F5: variants seen among roughly 807,000 people sequenced by gnomAD.
F5 encodes coagulation factor V.
In F5, 138 loss-of-function variants were observed where a neutral mutation model predicts 216.4. The observed-to-expected ratio is 0.64, with a 90% CI of 0.56 to 0.73. The LOEUF is 0.73. Among genes scored for constraint, F5 ranks in the 30% least tolerant of loss-of-function variants. The pLI is 0.00. For missense variants in F5, 2,403 were observed against 2,674.0 expected (o/e 0.90, Z 2.24); for synonymous variants, 916 against 930.7 (o/e 0.98, Z 0.29).
chr1:169,567,596 C>G (rs1027022654), intron 3 of F5, among the ~76,000 whole-genome samples: 1 of 147,648 alleles, frequency 6.8e-6, no homozygotes, highest in Non-Finnish European at 1.5e-5. Flanking sequence ...TCAAAATTAT[C>G]AGCAAAATCA....
At chr1:169,523,931 A>T in intron 19 of F5, 27 bp from the exon 20 acceptor site, 2 of 1,585,884 alleles carry the variant, frequency 1.3e-6, no homozygotes, top group Non-Finnish European at 1.7e-6. Flanking sequence ...AAAAAGATTT[A>T]TTCTGAATTT....
intron 13 of F5, among the ~76,000 whole-genome samples, chr1:169,538,184 A>G (rs1294790369): frequency 6.6e-6 from 1 of 152,186 alleles, no homozygotes; most frequent in Non-Finnish European, 1.5e-5. Context: ...ATTTGTGACA[A>G]CATGACTGAA....
chr1:169,518,520 G>A lies in F5; in HGVS notation c.6237C>T (p.Asn2079=), dbSNP rs762791810. The part of the protein sequence containing the change: ...PLGMENGKIE[N]KQITASSFKK... ...TAAACGAAGAAGCTGTGATTTGCTTGTTTTCTATCTTTCCATTTTCCATAC... is the reference window on the plus strand; with the variant it reads ...TAAACGAAGAAGCTGTGATTTGCTTATTTTCTATCTTTCCATTTTCCATAC... The change falls in exon 23 of 25, where the codon AAC becomes AAT. Residue 2079 remains asparagine, a synonymous_variant. Transcript: ENST00000367797. 1.9e-6 allele frequency: 3 copies of A among 1,613,712 alleles called. No individual in the cohort carries two copies. In the African/African-American group the frequency reaches 4.0e-5, roughly 22 times the overall value.
At chr1:169,562,899 C>T (rs1209390375) in intron 3 of F5, among the ~76,000 whole-genome samples, 1 of 151,858 alleles carries the variant, frequency 6.6e-6, no homozygotes, top group East Asian at 1.9e-4. Context: ...CTATATTTAT[C>T]AACTTCTGGA....
intron 2 of F5, among the ~76,000 whole-genome samples, chr1:169,577,940 C>T (rs1660901639): frequency 6.6e-6 from 1 of 152,028 alleles, no homozygotes; most frequent in African/African-American, 2.4e-5. Context: ...TTTTTCAGGG[C>T]TCAGCTAGAA....
intron 3 of F5, among the ~76,000 whole-genome samples, 186 bp downstream of exon 3, chr1:169,572,035 T>A (rs974407181): frequency 2.0e-5 from 3 of 152,084 alleles, no homozygotes; most frequent in African/African-American, 4.8e-5. Context: ...AAAATGCAGG[T>A]CTAGAGGACT....
At chr1:169,535,327 T>G (rs558144339) in intron 14 of F5, among the ~76,000 whole-genome samples, 4 of 152,314 alleles carry the variant, frequency 2.6e-5, no homozygotes, top group African/African-American at 9.6e-5. Flanking sequence ...TATCCTGTCT[T>G]TATTCACAAT....
At position 169,542,418 on chromosome 1, in the gene F5, C is replaced by T; in HGVS notation, c.2672G>A (p.Gly891Glu). 2 of 1,614,072 alleles carry T rather than the reference C, an allele frequency of 1.2e-6. No individual in the cohort carries two copies. Among genetic ancestry groups the T allele is most frequent in the Non-Finnish European group, 1.7e-6 (2 of 1,179,988 alleles). The part of the protein sequence containing the change: ...SWMKLLAHKV[G>E]RHLSQDTGSP... The stretch of plus-strand genomic sequence containing the variant: ...ACCAGTGTCTTGGCTTAGGTGTCTC[C>T]CAACTTTATGTGCTAGTAATTTCAT... Residue 891 changes from glycine to glutamate, a missense_variant, in exon 13 of 25, where the codon GGG becomes GAG. Coordinates refer to ENST00000367797, the MANE Select transcript of F5 (RefSeq NM_000130.5).
At position 169,513,482 on chromosome 1, in the gene F5, C is replaced by T. The variant is rs558487363; in HGVS notation, c.*831G>A. On this transcript the variant is annotated 3_prime_UTR_variant, in exon 25 of 25. Transcript: ENST00000367797. ...TAGAGAGGAAGGCCCTGAAAGAAAA[C>T]TTTAACTGCTTGCCAGTTTGGCCAG... Among the ~76,000 whole-genome samples, 1 of 152,246 alleles carries T rather than the reference C, an allele frequency of 6.6e-6. No individual in the cohort carries two copies. Among genetic ancestry groups the T allele is most frequent in the Non-Finnish European group, 1.5e-5 (1 of 68,012 alleles).
chr1:169,520,275 G>A (rs1184838156), intron 22 of F5, among the ~76,000 whole-genome samples: 3 of 152,190 alleles, frequency 2.0e-5, no homozygotes, highest in Non-Finnish European at 4.4e-5. Context: ...TCCTTGGAGA[G>A]TTGTGATGTG....
At chr1:169,583,183 G>A (rs1426973878) in intron 1 of F5, among the ~76,000 whole-genome samples, 1 of 152,170 alleles carries the variant, frequency 6.6e-6, no homozygotes. Context: ...TGTGAGTGGT[G>A]GGTTACTTTC....
intron 22 of F5, among the ~76,000 whole-genome samples, chr1:169,519,529 T>C (rs1053741334): frequency 1.6e-4 from 25 of 152,218 alleles, no homozygotes; most frequent in African/African-American, 5.8e-4. Flanking sequence ...TACTGCTATC[T>C]GGACATTGGC....
Position 169,552,542 on chromosome 1 carries a change from A to T in F5, c.1296+15T>A. The T allele has an allele frequency of 1.2e-6, 2 of 1,607,514 alleles. No homozygotes were observed. ...TATGTAATTTCTCCCATGATTCTGTATTTGTGTTACTTACTTTGAGTGTGT... is the reference window on the plus strand; with the variant it reads ...TATGTAATTTCTCCCATGATTCTGTTTTTGTGTTACTTACTTTGAGTGTGT... On this transcript the variant is annotated intron_variant, in intron 8 of 24. Transcript: ENST00000367797.
intron 3 of F5, among the ~76,000 whole-genome samples, chr1:169,570,370 C>G (rs536651547): frequency 1.3e-5 from 2 of 152,220 alleles, no homozygotes; most frequent in Admixed American, 1.3e-4. Flanking sequence ...TGAGGTTTCT[C>G]CCCCTTCTTC....
chr1:169,571,692 G>C (rs1236731604), intron 3 of F5, among the ~76,000 whole-genome samples: 1 of 152,100 alleles, frequency 6.6e-6, no homozygotes, highest in Non-Finnish European at 1.5e-5. Context: ...TGTATTGTCA[G>C]AGGCGGTCTT....
chr1:169,551,358 G>A (rs780736123), intron 8 of F5, among the ~76,000 whole-genome samples: 14 of 152,224 alleles, frequency 9.2e-5, no homozygotes, highest in Non-Finnish European at 1.8e-4. Flanking sequence ...GCTGAGGTGC[G>A]AGAATCGCCT....
intron 22 of F5, among the ~76,000 whole-genome samples, chr1:169,519,521 C>G (rs1400499305): frequency 1.3e-5 from 2 of 152,174 alleles, no homozygotes; most frequent in Non-Finnish European, 2.9e-5. Flanking sequence ...TTTTAGACTA[C>G]TGCTATCTGG....
At chr1:169,522,702 C>A (rs923533413) in intron 21 of F5, among the ~76,000 whole-genome samples, 1 of 152,086 alleles carries the variant, frequency 6.6e-6, no homozygotes. Flanking sequence ...CTGGAAGAAC[C>A]AGAAGGAGAA....
At chr1:169,575,546 T>G (rs975855766) in intron 2 of F5, among the ~76,000 whole-genome samples, 2 of 152,064 alleles carry the variant, frequency 1.3e-5, no homozygotes, top group African/African-American at 4.8e-5. Context: ...AGAGAACAGA[T>G]AGAAGACTCC....
Sources: gnomAD v4.1 joint callset for allele counts (sites outside exome capture counted in the v4.1 genomes callset) on GRCh38, gnomAD v4.1.1 for gene constraint, MANE v1.5 for transcripts, NCBI Gene and HGNC (gene_info 2026-07-23, HGNC 2026-07-21) for gene names.